Variants in TOP6BL observed in about 807,000 individuals in gnomAD.
The protein encoded by TOP6BL is TOP6B like initiator of meiotic double strand breaks, also known as type 2 DNA topoisomerase 6 subunit B-like.
the TOP6BL span, chr11:66,821,742 A>G: frequency 6.2e-7 from 1 of 1,613,476 alleles, no homozygotes; most frequent in Non-Finnish European, 8.5e-7. Context: ...AAGGTCTTGG[A>G]GCAACATCAC....
At chr11:66,744,866 C>T in the TOP6BL span, 4 of 1,308,838 alleles carry the variant, frequency 3.1e-6, no homozygotes, top group African/African-American at 4.6e-5. Flanking sequence ...TTCGACTGGG[C>T]GTTGCCGCTG....
At chr11:66,753,752 T>A in the TOP6BL span, among the ~76,000 whole-genome samples, 3 of 151,084 alleles carry the variant, frequency 2.0e-5, no homozygotes, top group Non-Finnish European at 2.9e-5. Context: ...TTGCCCAGGC[T>A]GGAATGCAGT....
chr11:66,777,059 AT>A, the TOP6BL span, among the ~76,000 whole-genome samples: 34 of 150,154 alleles, frequency 2.3e-4, no homozygotes, highest in Admixed American at 2.3e-3. Flanking sequence ...CTATATATCT[AT>A]ATCTATATAT....
At chr11:66,784,322 T>C in the TOP6BL span, among the ~76,000 whole-genome samples, 7 of 152,192 alleles carry the variant, frequency 4.6e-5, no homozygotes, top group South Asian at 4.1e-4. Flanking sequence ...CGTGAGCCAC[T>C]GCACCCTGCC....
the TOP6BL span, among the ~76,000 whole-genome samples, chr11:66,836,932 C>T: frequency 1.3e-5 from 2 of 151,230 alleles, no homozygotes; most frequent in Admixed American, 6.6e-5. Flanking sequence ...AACTCCTGAC[C>T]TCATTATCTG....
chr11:66,816,884 T>A, the TOP6BL span, among the ~76,000 whole-genome samples: 8 of 152,160 alleles, frequency 5.3e-5, no homozygotes, highest in African/African-American at 1.9e-4. Flanking sequence ...CTGGGTGCGG[T>A]GGCTCATGCC....
the TOP6BL span, among the ~76,000 whole-genome samples, chr11:66,745,314 T>TGGGGGTTGGGGGGGGGGGGG: frequency 9.0e-6 from 1 of 111,052 alleles, no homozygotes; most frequent in African/African-American, 3.6e-5. Flanking sequence ...CGGGGCGGGG[T>TGGGGGTTGGGGGGGGGGGGG]GGGGGGAGTC....
At chr11:66,753,258 T>C in the TOP6BL span, among the ~76,000 whole-genome samples, 1 of 152,178 alleles carries the variant, frequency 6.6e-6, no homozygotes, top group Admixed American at 6.6e-5. Flanking sequence ...ATCTCTGTCT[T>C]GCGGGTGTAT....
chr11:66,811,606 C>G, the TOP6BL span, among the ~76,000 whole-genome samples: 1 of 152,048 alleles, frequency 6.6e-6, no homozygotes, highest in African/African-American at 2.4e-5. Flanking sequence ...GCACAAAGGC[C>G]AAGAGGAGAG....
chr11:66,768,840 G>C, the TOP6BL span, among the ~76,000 whole-genome samples: 1 of 152,094 alleles, frequency 6.6e-6, no homozygotes, highest in South Asian at 2.1e-4. Context: ...TTTGAACTTG[G>C]ATAGATAAAA....
At chr11:66,782,510 A>G in the TOP6BL span, among the ~76,000 whole-genome samples, 2 of 151,908 alleles carry the variant, frequency 1.3e-5, no homozygotes, top group African/African-American at 4.8e-5. Context: ...CACAACTCCA[A>G]AATCTATTCT....
chr11:66,799,596 C>A, the TOP6BL span, among the ~76,000 whole-genome samples: 1 of 151,840 alleles, frequency 6.6e-6, no homozygotes, highest in South Asian at 2.1e-4. Flanking sequence ...CCTGTAGTCC[C>A]AGCTACTCGG....
the TOP6BL span, among the ~76,000 whole-genome samples, chr11:66,782,732 T>A: frequency 6.6e-6 from 1 of 152,116 alleles, no homozygotes; most frequent in Non-Finnish European, 1.5e-5. Context: ...TTTACAGTAG[T>A]TTTTGGTTTG....
the TOP6BL span, among the ~76,000 whole-genome samples, chr11:66,777,874 CA>C: frequency 6.6e-6 from 1 of 151,854 alleles, no homozygotes; most frequent in East Asian, 1.9e-4. Context: ...TCCATCCCCC[CA>C]AAAAAAGTTG....
the TOP6BL span, among the ~76,000 whole-genome samples, chr11:66,753,273 C>G: frequency 6.6e-6 from 1 of 152,256 alleles, no homozygotes; most frequent in East Asian, 1.9e-4. Flanking sequence ...GTGTATCCTT[C>G]TCTAAGTCCT....
At chr11:66,800,938 TG>T in the TOP6BL span, 5 of 1,325,264 alleles carry the variant, frequency 3.8e-6, no homozygotes, top group Non-Finnish European at 5.4e-6. Flanking sequence ...TAGTAATCGC[TG>T]GGGTGGTAGT....
At chr11:66,745,044 C>G in the TOP6BL span, 2 of 1,001,552 alleles carry the variant, frequency 2.0e-6, no homozygotes, top group Non-Finnish European at 2.6e-6. Context: ...GTTCGGGAAT[C>G]GAGGCCCGTC....
the TOP6BL span, chr11:66,762,033 T>C: frequency 2.4e-5 from 35 of 1,474,474 alleles, no homozygotes; most frequent in Non-Finnish European, 3.1e-5. Context: ...AGTGATTTTT[T>C]CCCCCCAGCA....
At chr11:66,756,400 T>C in the TOP6BL span, 14 of 1,146,142 alleles carry the variant, frequency 1.2e-5, no homozygotes, top group Non-Finnish European at 1.6e-5. Context: ...TGGCGCAGTC[T>C]CGGCTCACTG....
Sources: gnomAD v4.1 joint callset for allele counts (sites outside exome capture counted in the v4.1 genomes callset) on GRCh38, gnomAD v4.1.1 for gene constraint, MANE v1.5 for transcripts, NCBI Gene and HGNC (gene_info 2026-07-23, HGNC 2026-07-21) for gene names.